The following TMEM17 variants were observed in gnomAD, a reference collection of about 807,000 sequenced individuals.
The protein encoded by TMEM17 is transmembrane protein 17.
TMEM17 carries 15 observed loss-of-function variants against 19.1 expected under a neutral mutation model. That is an observed-to-expected ratio of 0.78 (90% confidence interval 0.52 to 1.21). The LOEUF (loss-of-function observed/expected upper bound fraction) is 1.21. TMEM17 is among the 50% of genes most tolerant of loss of function. The pLI is 0.00. For synonymous variants in TMEM17, 103 were observed against 86.9 expected (o/e 1.19, Z -1.03); for missense variants, 245 against 242.3 (o/e 1.01, Z -0.07).
At chr2:62,497,858 G>T (rs562819990), downstream of TMEM17, among the ~76,000 whole-genome samples, 1 of 152,316 alleles carries the variant, frequency 6.6e-6, no homozygotes, top group South Asian at 2.1e-4. Flanking sequence ...GAAGCCAAGG[G>T]CCTGTTACCT....
the TMEM17 span, among the ~76,000 whole-genome samples, chr2:62,481,009 A>G: frequency 8.5e-5 from 13 of 152,256 alleles, no homozygotes; most frequent in African/African-American, 2.9e-4. Context: ...TTGGAGTAGT[A>G]TGGTCATTTT....
chr2:62,480,899 G>A, the TMEM17 span, among the ~76,000 whole-genome samples: 1 of 151,232 alleles, frequency 6.6e-6, no homozygotes, highest in African/African-American at 2.4e-5. Flanking sequence ...GCTATTCAGG[G>A]TTTTTTGTGG....
In TMEM17 at chr2:62,501,212, G is replaced by A; in HGVS notation, c.594C>T (p.Ile198=). The A allele has an allele frequency of 6.2e-7, 1 of 1,613,258 alleles. No individual in the cohort carries two copies. Among genetic ancestry groups the A allele is most frequent in the Non-Finnish European group, 8.5e-7 (1 of 1,179,378 alleles). ...ATTTTCACTCAACAACACTGGATCAGATCTCTTCTATACATGACCTCATCC... is the reference window on the plus strand; with the variant it reads ...ATTTTCACTCAACAACACTGGATCAAATCTCTTCTATACATGACCTCATCC... ...MRRMRSCIEE[I] The change falls in exon 4 of 4, where the codon ATC becomes ATT. Residue 198 remains isoleucine (I), a synonymous_variant. Transcript: ENST00000335390.
the TMEM17 span, among the ~76,000 whole-genome samples, chr2:62,481,331 G>A: frequency 1.3e-5 from 2 of 152,192 alleles, no homozygotes; most frequent in South Asian, 2.1e-4. Flanking sequence ...AGTTCTGAGA[G>A]GTTTTTGGCA....
At chr2:62,474,432 G>A in the TMEM17 span, among the ~76,000 whole-genome samples, 2 of 152,112 alleles carry the variant, frequency 1.3e-5, no homozygotes, top group African/African-American at 2.4e-5. Context: ...CTGAAGCTGC[G>A]TCTGTCTCCA....
At chr2:62,454,599 G>A in the TMEM17 span, among the ~76,000 whole-genome samples, 3 of 152,038 alleles carry the variant, frequency 2.0e-5, no homozygotes, top group Non-Finnish European at 2.9e-5. Flanking sequence ...TTAAGGTCCC[G>A]CTCTTAAAAT....
chr2:62,484,573 A>G, the TMEM17 span, among the ~76,000 whole-genome samples: 2 of 152,170 alleles, frequency 1.3e-5, no homozygotes, highest in Non-Finnish European at 2.9e-5. Context: ...AACTTCCCCA[A>G]TTACATGCAG....
the TMEM17 span, among the ~76,000 whole-genome samples, chr2:62,457,067 C>T: frequency 6.6e-6 from 1 of 152,234 alleles, no homozygotes; most frequent in East Asian, 1.9e-4. The surrounding 1 kb of genome is among the most constrained non-coding windows in gnomAD (Gnocchi z 4.2). Flanking sequence ...TCCCGGGCCT[C>T]TCTGCTCTCC....
downstream of TMEM17, among the ~76,000 whole-genome samples, chr2:62,498,814 TA>T (rs1243044276): frequency 1.3e-5 from 2 of 152,084 alleles, no homozygotes; most frequent in African/African-American, 4.8e-5. Flanking sequence ...ACATTTTAAT[TA>T]AAAAATTTTC....
the TMEM17 span, among the ~76,000 whole-genome samples, chr2:62,473,548 C>G: frequency 6.6e-6 from 1 of 152,334 alleles, no homozygotes; most frequent in South Asian, 2.1e-4. Context: ...CTCTCCTCCC[C>G]ACTCCCTGCT....
At chr2:62,503,467 T>C (rs1016243738) in intron 1 of TMEM17, among the ~76,000 whole-genome samples, 1 of 152,172 alleles carries the variant, frequency 6.6e-6, no homozygotes, top group Non-Finnish European at 1.5e-5. Flanking sequence ...GCTTCAGAGT[T>C]CAAGCAAATC....
the TMEM17 span, among the ~76,000 whole-genome samples, chr2:62,472,061 G>A: frequency 2.0e-5 from 3 of 152,224 alleles, no homozygotes; most frequent in African/African-American, 7.2e-5. Context: ...TTTCAGCCTC[G>A]GCAGCAGGTT....
downstream of TMEM17, among the ~76,000 whole-genome samples, chr2:62,498,663 C>T: frequency 6.8e-6 from 1 of 147,172 alleles, no homozygotes; most frequent in Admixed American, 6.7e-5. Flanking sequence ...TTGCAGTGAG[C>T]CGAGATCCCG....
chr2:62,497,582 G>A (rs142010521), downstream of TMEM17, among the ~76,000 whole-genome samples: 7 of 152,190 alleles, frequency 4.6e-5, no homozygotes, highest in South Asian at 2.1e-4. Flanking sequence ...TTCCAGATTC[G>A]TCATTCATTT....
chr2:62,502,139 G>T, intron 3 of TMEM17: 1 of 183,954 alleles, frequency 5.4e-6, no homozygotes, highest in African/African-American at 2.4e-5. Context: ...TTTCAAGACT[G>T]ATAAGAAGAG....
the TMEM17 span, among the ~76,000 whole-genome samples, chr2:62,459,013 A>G: frequency 6.6e-6 from 1 of 152,262 alleles, no homozygotes; most frequent in Non-Finnish European, 1.5e-5. Context: ...TCATATGGAC[A>G]TATGTTTTCA....
the TMEM17 span, among the ~76,000 whole-genome samples, chr2:62,480,512 T>G: frequency 6.6e-6 from 1 of 152,228 alleles, no homozygotes; most frequent in Non-Finnish European, 1.5e-5. Context: ...CTAAGTTGTT[T>G]CCTCTATGTT....
At position 62,506,179 on chromosome 2, in the gene TMEM17, G is replaced by A. The variant is rs1680074576; in HGVS notation, c.-50C>T. The A allele has an allele frequency of 1.3e-5, 19 of 1,492,618 alleles. No homozygotes were observed. The highest frequency in any genetic ancestry group is 1.6e-5 in the Non-Finnish European group (18 of 1,112,432). The allele number at this position is 1,492,618 out of a possible 1,614,324, so 92.5% of individuals were successfully genotyped here. A position where few individuals can be genotyped will look rare whatever the true frequency, so the allele number is the denominator to read the frequency against. On this transcript the variant is annotated 5_prime_UTR_variant, in exon 1 of 4. Coordinates refer to ENST00000335390, the MANE Select transcript of TMEM17 (RefSeq NM_198276.3). ...CCCTCAGACACGGGCTAGTCTGCGG[G>A]CGCTCCGAGGCTCCGTGGTTCCCAC...
At chr2:62,479,808 G>T in the TMEM17 span, among the ~76,000 whole-genome samples, 1 of 147,726 alleles carries the variant, frequency 6.8e-6, no homozygotes, top group Non-Finnish European at 1.5e-5. Context: ...TATCGCTTGA[G>T]CACAGGCTGT....
Sources: allele counts gnomAD v4.1 joint callset (sites outside exome capture counted in the v4.1 genomes callset), GRCh38; gene constraint gnomAD v4.1.1; non-coding constraint Gnocchi (gnomAD v3.1); transcripts MANE v1.5; gene names NCBI Gene and HGNC (gene_info 2026-07-23, HGNC 2026-07-21).